Variants in WRN observed in about 807,000 individuals in gnomAD.
WRN encodes WRN RecQ like helicase.
WRN carries 149 observed loss-of-function variants against 180.7 expected under a neutral mutation model. The ratio of observed to expected loss-of-function variants is 0.82; its 90% confidence interval spans 0.72 to 0.94. The LOEUF (loss-of-function observed/expected upper bound fraction) is 0.94, where lower values mean the gene tolerates loss of function less well. Ranked by LOEUF, WRN falls within the 40% of genes least tolerant of loss-of-function variation. The pLI is 0.00. For synonymous variants in WRN, 548 were observed against 568.9 expected (o/e 0.96, Z 0.52); for missense variants, 1,661 against 1,700.1 (o/e 0.98, Z 0.40).
Position 31,125,142 on chromosome 8 carries a change from C to T in WRN, c.2825+142C>T, listed in dbSNP as rs1801869986. 7.6e-6 allele frequency: 6 copies of T among 789,458 alleles called. No individual in the cohort carries two copies. The African/African-American group carries it at 1.0e-4, about 14-fold the overall frequency. 48.9% of individuals were successfully genotyped at this position (789,458 alleles called of 1,614,324 possible). ...ATGTGTTTAGATATGAGAAAGCAAA[C>T]AATATTAAAGTATTTTGCTTAAAAA... On this transcript the variant is annotated intron_variant, in intron 23 of 34. Coordinates refer to ENST00000298139, the MANE Select transcript of WRN (RefSeq NM_000553.6).
At chr8:31,116,595 T>C in intron 20 of WRN, 67 bp downstream of exon 20, 1 of 1,591,614 alleles carries the variant, frequency 6.3e-7, no homozygotes. Flanking sequence ...CAAATGTTTA[T>C]TTACCAGATC....
intron 23 of WRN, 46 bp downstream of exon 23, chr8:31,125,046 C>A: frequency 6.4e-7 from 1 of 1,552,310 alleles, no homozygotes; most frequent in Non-Finnish European, 8.9e-7. Flanking sequence ...GTCTTTCTTT[C>A]TCTTCCTTTT....
Position 31,174,956 on chromosome 8 carries a change from C to A in WRN, c.*1854C>A, listed in dbSNP as rs987790331. Among the ~76,000 whole-genome samples, 18 of 151,332 alleles carry A rather than the reference C, an allele frequency of 1.2e-4. No individual in the cohort carries two copies. Among genetic ancestry groups the A allele is most frequent in the Non-Finnish European group, 2.5e-4 (17 of 67,916 alleles). On this transcript the variant is annotated 3_prime_UTR_variant, in exon 35 of 35. Transcript: ENST00000298139. ...TCAAGCAGTCCTCCCGCCTCAGTCCCCCAAAATAGTGGGATTACAGGTGTG... is the reference window on the plus strand; with the variant it reads ...TCAAGCAGTCCTCCCGCCTCAGTCCACCAAAATAGTGGGATTACAGGTGTG...
chr8:31,040,966 T>G lies in WRN; in HGVS notation c.-77+6993T>G, dbSNP rs573967893. On this transcript the variant is annotated intron_variant, in intron 1 of 34. Coordinates refer to ENST00000298139, the MANE Select transcript of WRN (RefSeq NM_000553.6). The stretch of plus-strand genomic sequence containing the variant: ...AGTAGATGTCTTCGAGAAAATGTCT[T>G]TGAGTAGATGAGAGGTTTGCACACA... Among the ~76,000 whole-genome samples, 14 of 152,172 alleles carry G rather than the reference T, an allele frequency of 9.2e-5. No individual in the cohort carries two copies. The South Asian group carries it at 2.5e-3, about 27-fold the overall frequency.
At chr8:31,163,536 AT>A (rs546901887) in intron 33 of WRN, among the ~76,000 whole-genome samples, 27 of 152,212 alleles carry the variant, frequency 1.8e-4, no homozygotes, top group Non-Finnish European at 3.7e-4. Flanking sequence ...AGAAAGAAAT[AT>A]GCAATTTCTA....
At position 31,143,568 on chromosome 8, in the gene WRN, T is replaced by C. The variant is rs368115321; in HGVS notation, c.3328T>C (p.Tyr1110His). 8 of 1,594,484 alleles carry C rather than the reference T, an allele frequency of 5.0e-6. No homozygotes were observed. In the African/African-American group the frequency reaches 8.1e-5, roughly 16 times the overall value. The change falls in exon 28 of 35, where the codon TAT (tyrosine) becomes CAT (histidine). Residue 1110 changes from tyrosine to histidine, a missense_variant. Transcript: ENST00000298139. ...TEKKSNLEKL[Y>H]SYKPCDKISS... ...AATGCAGTCTAACTTGGAGAAGTTA[T>C]ATTCTTATAAACCATGTGATAAGAT...
At chr8:31,081,479 C>T (rs1585428736) in intron 9 of WRN, among the ~76,000 whole-genome samples, 183 bp downstream of exon 9, 1 of 152,300 alleles carries the variant, frequency 6.6e-6, no homozygotes, top group Admixed American at 6.5e-5. Flanking sequence ...ATGTGCCTGT[C>T]TTTCAATAAA....
At position 31,081,146 on chromosome 8, in the gene WRN, A is replaced by G; in HGVS notation, c.1119A>G (p.Gly373=). 6.2e-7 allele frequency: 1 copy of G among 1,614,062 alleles called. No individual in the cohort carries two copies. Among genetic ancestry groups the G allele is most frequent in the Non-Finnish European group, 8.5e-7 (1 of 1,179,970 alleles). ...LGNKVERKED[G]FEDGVEDNKL... ...ATAAAGTGGAACGAAAAGAAGATGG[A>G]TTTGAAGATGGAGTAGAAGACAACA... The change falls in exon 9 of 35, where the codon GGA becomes GGG. Residue 373 remains glycine, a synonymous_variant. Coordinates refer to ENST00000298139, the MANE Select transcript of WRN (RefSeq NM_000553.6).
At chr8:31,153,620 C>T (rs1803232261) in intron 31 of WRN, among the ~76,000 whole-genome samples, 1 of 152,070 alleles carries the variant, frequency 6.6e-6, no homozygotes. Flanking sequence ...TGTAATCCCC[C>T]AAAGTATTTG....
intron 16 of WRN, among the ~76,000 whole-genome samples, chr8:31,092,650 A>G (rs749920241): frequency 2.0e-5 from 3 of 152,000 alleles, no homozygotes; most frequent in Non-Finnish European, 4.4e-5. Context: ...AGATACACAT[A>G]TATTTACTGA....
At chr8:31,121,818 C>A (rs1012361296) in intron 21 of WRN, among the ~76,000 whole-genome samples, 1 of 151,898 alleles carries the variant, frequency 6.6e-6, no homozygotes, top group Admixed American at 6.6e-5. Context: ...GATGACAAAA[C>A]CATCCTTTTT....
chr8:31,136,365 T>G (rs138853862), intron 24 of WRN, among the ~76,000 whole-genome samples: 14 of 152,332 alleles, frequency 9.2e-5, no homozygotes, highest in African/African-American at 3.1e-4. Flanking sequence ...AAAAGACTAT[T>G]TAACCCTATT....
Position 31,111,950 on chromosome 8 carries a change from T to TTATA in WRN, c.2273+154_2273+157dup, listed in dbSNP as rs1287109892. 2.0e-5 allele frequency: 19 copies of TTATA among 952,260 alleles called. No homozygotes were observed. The African/African-American group carries it at 3.2e-4, about 16-fold the overall frequency. The allele number at this position is 952,260 out of a possible 1,614,324, so 59.0% of individuals were successfully genotyped here. A position where few individuals can be genotyped will look rare whatever the true frequency, so the allele number is the denominator to read the frequency against. ...GTTTTGGTTCAAGTCAAGCATGATG[T>TTATA]TATATAATCAATTCAGTGATTGAGA... On this transcript the variant is annotated intron_variant, in intron 19 of 34. Transcript: ENST00000298139.
chr8:31,135,122 A>G (rs1209937463), intron 24 of WRN, among the ~76,000 whole-genome samples: 1 of 152,070 alleles, frequency 6.6e-6, no homozygotes, highest in Non-Finnish European at 1.5e-5. Flanking sequence ...GTGTGATCAT[A>G]GCTTGATGCA....
At chr8:31,048,297 A>T (rs1383802242) in intron 1 of WRN, among the ~76,000 whole-genome samples, 1 of 152,188 alleles carries the variant, frequency 6.6e-6, no homozygotes, top group Non-Finnish European at 1.5e-5. Flanking sequence ...GATTCATGAA[A>T]GTCTTGAAAG....
At chr8:31,086,420 A>G (rs189976247) in intron 11 of WRN, among the ~76,000 whole-genome samples, 7 of 152,132 alleles carry the variant, frequency 4.6e-5, no homozygotes, top group Admixed American at 4.6e-4. Flanking sequence ...AGAAAAATAC[A>G]AGAATTGGCT....
chr8:31,091,902 A>G lies in WRN; in HGVS notation c.1898+4A>G. On this transcript the variant is annotated splice_donor_region_variant and intron_variant, in intron 16 of 34. Transcript: ENST00000298139. ...ATGTTCTAACAGATATTAAATTGTG[A>G]GTAATTTTTTTCCCTCAACTTTTAT... 1.9e-6 allele frequency: 3 copies of G among 1,612,706 alleles called. No individual in the cohort carries two copies. Among genetic ancestry groups the G allele is most frequent in the African/African-American group, 2.7e-5 (2 of 74,980 alleles).
intron 24 of WRN, among the ~76,000 whole-genome samples, chr8:31,137,895 TC>T (rs1802461394): frequency 6.6e-6 from 1 of 152,024 alleles, no homozygotes; most frequent in African/African-American, 2.4e-5. Context: ...CCCCAGGAGT[TC>T]AAGACCAGTC....
At chr8:31,141,332 TA>T (rs1054939310) in intron 24 of WRN, 97 bp from the exon 25 acceptor site, 2 of 1,482,966 alleles carry the variant, frequency 1.3e-6, no homozygotes, top group African/African-American at 2.8e-5. Context: ...AGTTGAAATT[TA>T]GTGTAAATCC....
Sources: gnomAD v4.1 joint callset for allele counts (sites outside exome capture counted in the v4.1 genomes callset) on GRCh38, gnomAD v4.1.1 for gene constraint, MANE v1.5 for transcripts, NCBI Gene and HGNC (gene_info 2026-07-23, HGNC 2026-07-21) for gene names.